Variants in GRM8 observed in about 807,000 individuals in gnomAD.
GRM8 encodes glutamate metabotropic receptor 8.
GRM8 carries 47 observed loss-of-function variants against 87.2 expected under a neutral mutation model. That is an observed-to-expected ratio of 0.54 (90% CI 0.43 to 0.69). The LOEUF (loss-of-function observed/expected upper bound fraction) is 0.69. GRM8 is among the 30% of genes least tolerant of loss of function. GRM8 has a pLI of 0.00. For synonymous variants in GRM8, 396 were observed against 404.5 expected (o/e 0.98, Z 0.25); for missense variants, 1,019 against 1,139.2 (o/e 0.89, Z 1.52).
Position 126,711,286 on chromosome 7 carries a change from C to T in GRM8, c.1357+58579G>A, listed in dbSNP as rs529059343. ...GTTATGTTAGCAGTCAAGAAAACAA[C>T]ATTAAAGTCCTTGTATATCTTCATC... On this transcript the variant is annotated intron_variant, in intron 7 of 10. Transcript: ENST00000339582. Among the ~76,000 whole-genome samples, 36 of 152,294 alleles carry T rather than the reference C, an allele frequency of 2.4e-4. No individual in the cohort carries two copies. The South Asian group carries it at 4.6e-3, about 19-fold the overall frequency.
intron 3 of GRM8, among the ~76,000 whole-genome samples, chr7:127,035,778 T>A (rs2132341944): frequency 1.3e-5 from 2 of 152,292 alleles, no homozygotes; most frequent in Middle Eastern, 6.8e-3. Flanking sequence ...AAATGTTAGT[T>A]AATTCTTCCC....
At chr7:126,532,062 T>C (rs536175833) in intron 9 of GRM8, among the ~76,000 whole-genome samples, 7 of 152,366 alleles carry the variant, frequency 4.6e-5, no homozygotes, top group African/African-American at 1.7e-4. Flanking sequence ...TCCATCCCAC[T>C]ACCCGAAAAG....
chr7:126,446,003 G>T, intron 10 of GRM8, 123 bp downstream of exon 10: 1 of 1,108,114 alleles, frequency 9.0e-7, no homozygotes. Flanking sequence ...CACGGTATGT[G>T]AGTACCATCA....
intron 3 of GRM8, among the ~76,000 whole-genome samples, chr7:127,015,762 A>G (rs1377465841): frequency 1.3e-5 from 2 of 152,072 alleles, no homozygotes; most frequent in East Asian, 3.9e-4. Flanking sequence ...GATAGAGCTG[A>G]TTTTCCTATT....
At chr7:127,219,722 C>T (rs1796796789) in intron 2 of GRM8, 1 of 152,262 alleles carries the variant, frequency 6.6e-6, no homozygotes, top group African/African-American at 2.4e-5. Context: ...TATTTATGAC[C>T]ACAGATATTT....
At chr7:127,095,271 A>C (rs1176766832) in intron 3 of GRM8, among the ~76,000 whole-genome samples, 4 of 152,184 alleles carry the variant, frequency 2.6e-5, no homozygotes, top group Non-Finnish European at 5.9e-5. Context: ...ATCATGACAA[A>C]ACCATTCCAA....
chr7:126,475,493 A>G (rs1052960785), intron 9 of GRM8, among the ~76,000 whole-genome samples: 1 of 152,118 alleles, frequency 6.6e-6, no homozygotes, highest in African/African-American at 2.4e-5. Flanking sequence ...AAGAGAGTCC[A>G]TGTTCATGAA....
chr7:127,173,278 G>T (rs1377032219), intron 2 of GRM8, among the ~76,000 whole-genome samples: 2 of 152,194 alleles, frequency 1.3e-5, no homozygotes, highest in African/African-American at 4.8e-5. Flanking sequence ...TAATAGGGTA[G>T]CTATTGGTTA....
intron 3 of GRM8, among the ~76,000 whole-genome samples, chr7:127,088,252 T>C (rs1017236549): frequency 9.9e-5 from 15 of 152,066 alleles, no homozygotes; most frequent in African/African-American, 3.6e-4. Flanking sequence ...TGGTGGTGAG[T>C]GAAGTCTGCA....
intron 7 of GRM8, among the ~76,000 whole-genome samples, chr7:126,616,861 C>T (rs986995121): frequency 6.6e-6 from 1 of 152,066 alleles, no homozygotes; most frequent in Non-Finnish European, 1.5e-5. Flanking sequence ...CAATAACAGG[C>T]TCTGAAATTG....
At chr7:126,732,396 T>C (rs1813703274) in intron 7 of GRM8, among the ~76,000 whole-genome samples, 1 of 152,136 alleles carries the variant, frequency 6.6e-6, no homozygotes, top group South Asian at 2.1e-4. Flanking sequence ...ATTAACACAT[T>C]CTTTTTATTC....
intron 2 of GRM8, among the ~76,000 whole-genome samples, chr7:127,126,641 A>T (rs528429960): frequency 6.6e-6 from 1 of 152,098 alleles, no homozygotes; most frequent in Non-Finnish European, 1.5e-5. Flanking sequence ...ACTACTAATA[A>T]AACTATTAGA....
At chr7:126,692,783 T>C (rs1808965028) in intron 7 of GRM8, among the ~76,000 whole-genome samples, 1 of 152,224 alleles carries the variant, frequency 6.6e-6, no homozygotes, top group Non-Finnish European at 1.5e-5. Flanking sequence ...AGTTAAGGTT[T>C]AGTTTAACCA....
chr7:126,989,293 G>A (rs1199146932), intron 3 of GRM8, among the ~76,000 whole-genome samples: 2 of 151,840 alleles, frequency 1.3e-5, no homozygotes, highest in Admixed American at 1.3e-4. Flanking sequence ...CACTGAATCT[G>A]TTTTTTTAAA....
intron 2 of GRM8, among the ~76,000 whole-genome samples, chr7:127,231,275 G>A (rs1201343807): frequency 2.0e-5 from 3 of 152,058 alleles, no homozygotes; most frequent in Non-Finnish European, 2.9e-5. Flanking sequence ...GCACTTACTG[G>A]GTTTAGAAGC....
At chr7:127,092,149 G>A (rs1477649072) in intron 3 of GRM8, among the ~76,000 whole-genome samples, 3 of 150,642 alleles carry the variant, frequency 2.0e-5, no homozygotes. Context: ...TTTTAATTAA[G>A]CTTTTGCTTA....
chr7:127,167,420 T>G (rs888506342), intron 2 of GRM8, among the ~76,000 whole-genome samples: 1 of 152,178 alleles, frequency 6.6e-6, no homozygotes, highest in Admixed American at 6.6e-5. Context: ...TATACAGGCA[T>G]ACGTTTTATT....
At chr7:127,099,927 T>C (rs115497392) in intron 3 of GRM8, among the ~76,000 whole-genome samples, 13 of 152,214 alleles carry the variant, frequency 8.5e-5, no homozygotes, top group African/African-American at 3.1e-4. Context: ...TTTATTCCAA[T>C]ATATCTTCAT....
At chr7:126,762,526 A>C (rs1379883607) in intron 7 of GRM8, among the ~76,000 whole-genome samples, 1 of 152,184 alleles carries the variant, frequency 6.6e-6, no homozygotes, top group Non-Finnish European at 1.5e-5. Flanking sequence ...TTATGGACAG[A>C]AGAGCTAAGT....
Sources: gnomAD v4.1 joint callset for allele counts (sites outside exome capture counted in the v4.1 genomes callset) on GRCh38, gnomAD v4.1.1 for gene constraint, MANE v1.5 for transcripts, NCBI Gene and HGNC (gene_info 2026-07-23, HGNC 2026-07-21) for gene names.